VGLL4: variants seen among roughly 807,000 people sequenced by gnomAD.
The protein encoded by VGLL4 is transcription cofactor vestigial-like protein 4.
A neutral mutation model predicts 21.0 loss-of-function variants in VGLL4; 7 were observed. The observed-to-expected ratio is 0.33, with a 90% CI of 0.19 to 0.63. VGLL4 has a LOEUF of 0.63. VGLL4 is among the 20% of genes least tolerant of loss of function. The probability of loss-of-function intolerance (pLI) is 0.78; values close to 1 mark genes in which losing one functional copy is unlikely to be tolerated. For synonymous variants in VGLL4, 222 were observed against 173.2 expected, an observed-to-expected ratio of 1.28 and a Z score of -2.21; for missense variants, 394 against 425.7, an observed-to-expected ratio of 0.93 and a Z score of 0.66.
intron 2 of VGLL4, among the ~76,000 whole-genome samples, chr3:11,668,273 T>C (rs1285760535): frequency 2.0e-5 from 3 of 152,156 alleles, no homozygotes; most frequent in Non-Finnish European, 4.4e-5. Context: ...GAATTTCAAA[T>C]GTCAAAACAA....
At position 11,655,364 on chromosome 3, in the gene VGLL4, G is replaced by T. The variant is rs76742885; in HGVS notation, c.64+47607C>A. On this transcript the variant is annotated intron_variant, in intron 2 of 5. Coordinates refer to the VGLL4 transcript ENST00000273038. ...ACCCACCAGAGTTCAACATCCCAAT[G>T]AGTTAGTTGCTCGTGGGCAGGACTA... 1.7e-4 allele frequency among the ~76,000 whole-genome samples: 26 copies of T among 152,290 alleles called. No individual in the cohort carries two copies. The East Asian group carries it at 5.0e-3, about 29-fold the overall frequency.
chr3:11,576,022 C>T (rs1186503347), intron 2 of VGLL4, among the ~76,000 whole-genome samples: 5 of 152,196 alleles, frequency 3.3e-5, no homozygotes, highest in Non-Finnish European at 5.9e-5. Context: ...TTTCTTTAAC[C>T]AGAACTGTCT....
chr3:11,665,409 G>A (rs971037160), intron 2 of VGLL4, among the ~76,000 whole-genome samples: 1 of 152,198 alleles, frequency 6.6e-6, no homozygotes, highest in African/African-American at 2.4e-5. Context: ...CACCGCGCCC[G>A]GCCAAACATC....
chr3:11,564,765 T>TC, intron 3 of VGLL4, 32 bp downstream of exon 3: 1 of 1,527,842 alleles, frequency 6.5e-7, no homozygotes, highest in Non-Finnish European at 8.7e-7. Flanking sequence ...GCCCCTGGAC[T>TC]CCCCACGCCA....
At chr3:11,564,742 G>T (rs2073372582) in intron 3 of VGLL4, 55 bp downstream of exon 3, 2 of 1,494,774 alleles carry the variant, frequency 1.3e-6, no homozygotes, top group Non-Finnish European at 1.8e-6. Context: ...TCTCCATCCA[G>T]CCCAGTCCCC....
At chr3:11,671,217 G>T in intron 2 of VGLL4, 1 of 1,555,692 alleles carries the variant, frequency 6.4e-7, no homozygotes, top group Non-Finnish European at 8.7e-7. Flanking sequence ...TTTCAATTAA[G>T]AAATGTCAAT....
chr3:11,702,865 C>T lies in VGLL4; in HGVS notation c.64+106G>A, dbSNP rs573010384. ...TAAGGAAAACCACCAAAATTAACAG[C>T]AAATAGCCAGAAAACCATGTAGAGA... is the stretch of plus-strand genomic sequence containing the variant. On this transcript the variant is annotated intron_variant, in intron 2 of 5. Transcript: ENST00000273038. 122 of 1,060,352 alleles carry T rather than the reference C, an allele frequency of 1.2e-4. No homozygotes were observed. The African/African-American group carries it at 1.9e-3, about 16-fold the overall frequency. 65.7% of individuals were successfully genotyped at this position (1,060,352 alleles called of 1,614,324 possible). A position where few individuals can be genotyped will look rare whatever the true frequency, so the allele number is the denominator to read the frequency against.
intron 2 of VGLL4, among the ~76,000 whole-genome samples, chr3:11,587,354 A>C (rs2074384839): frequency 6.6e-6 from 1 of 152,220 alleles, no homozygotes; most frequent in African/African-American, 2.4e-5. Context: ...CATGGTAGAC[A>C]GTCAGCTTCT....
At chr3:11,592,225 T>G (rs2074517165) in intron 2 of VGLL4, among the ~76,000 whole-genome samples, 1 of 152,262 alleles carries the variant, frequency 6.6e-6, no homozygotes, top group Non-Finnish European at 1.5e-5. Context: ...TTTGAATCTT[T>G]TAGGCTAAGG....
intron 2 of VGLL4, among the ~76,000 whole-genome samples, chr3:11,597,497 C>A (rs1398775777): frequency 6.6e-6 from 1 of 152,132 alleles, no homozygotes; most frequent in East Asian, 1.9e-4. Flanking sequence ...AAACTTAAAA[C>A]TTACATTTGT....
intron 1 of VGLL4, chr3:11,626,223 G>T: frequency 2.5e-6 from 1 of 395,690 alleles, no homozygotes; most frequent in Non-Finnish European, 5.0e-6. Flanking sequence ...TGTCACAACT[G>T]CAGTGGTAAC....
chr3:11,645,189 GAA>G (rs34717985), upstream of VGLL4, among the ~76,000 whole-genome samples: 7 of 54,712 alleles, frequency 1.3e-4, no homozygotes, highest in African/African-American at 3.8e-4. Flanking sequence ...TAACAAAATA[GAA>G]AAAAAAAAAA....
At chr3:11,574,350 G>C (rs74608224) in intron 2 of VGLL4, among the ~76,000 whole-genome samples, 7,178 of 152,156 alleles carry the variant, frequency 0.047, 583 homozygotes, top group African/African-American at 0.17. Flanking sequence ...ACTGGGCCTC[G>C]GTCACCTGTC....
At chr3:11,703,849 A>G (rs1300755413) in intron 1 of VGLL4, among the ~76,000 whole-genome samples, 1 of 152,268 alleles carries the variant, frequency 6.6e-6, no homozygotes, top group Non-Finnish European at 1.5e-5. Flanking sequence ...GAATTTATTC[A>G]GCATTCTTCA....
chr3:11,645,347 T>G (rs1417607132), upstream of VGLL4, among the ~76,000 whole-genome samples: 1 of 147,402 alleles, frequency 6.8e-6, no homozygotes, highest in Non-Finnish European at 1.5e-5. Context: ...TCCCAGCACT[T>G]TGGGAGGCCG....
intron 1 of VGLL4, among the ~76,000 whole-genome samples, chr3:11,705,316 C>T (rs1348234461): frequency 6.6e-6 from 1 of 152,202 alleles, no homozygotes; most frequent in African/African-American, 2.4e-5. Context: ...GGCACTGGCA[C>T]CGGAGCCGCG....
chr3:11,714,216 G>A (rs147256276), intron 1 of VGLL4, among the ~76,000 whole-genome samples: 160 of 152,274 alleles, frequency 1.1e-3, no homozygotes, highest in African/African-American at 3.6e-3. Context: ...GCCTGATGCT[G>A]GTGCAAAATT....
At chr3:11,628,683 G>C (rs2075410888) in intron 1 of VGLL4, among the ~76,000 whole-genome samples, 1 of 152,282 alleles carries the variant, frequency 6.6e-6, no homozygotes, top group Admixed American at 6.5e-5. Flanking sequence ...AGCCGGGCGT[G>C]GTGGCGGGCG....
At chr3:11,631,403 C>T (rs1191568059) in intron 1 of VGLL4, among the ~76,000 whole-genome samples, 3 of 152,142 alleles carry the variant, frequency 2.0e-5, no homozygotes, top group Non-Finnish European at 4.4e-5. Context: ...AACACTAAAC[C>T]TAAATATAAA....
Sources: allele counts gnomAD v4.1 joint callset (sites outside exome capture counted in the v4.1 genomes callset), GRCh38; gene constraint gnomAD v4.1.1; transcripts MANE v1.5; gene names NCBI Gene and HGNC (gene_info 2026-07-23, HGNC 2026-07-21).